Variants in NEGR1 observed in about 807,000 individuals in gnomAD.
The protein encoded by NEGR1 is IgLON family member 4.
Under a neutral mutation model 40.9 loss-of-function variants are expected in NEGR1, and 10 were observed. That is an observed-to-expected ratio of 0.24 (90% CI 0.15 to 0.42). The LOEUF (loss-of-function observed/expected upper bound fraction) is 0.42. Among genes scored for constraint, NEGR1 ranks in the 10% least tolerant of loss-of-function variants. NEGR1 has a pLI of 1.00. For synonymous variants in NEGR1, 185 were observed against 166.8 expected (o/e 1.11, Z -0.84); for missense variants, 352 against 438.9 (o/e 0.80, Z 1.77).
intron 2 of NEGR1, among the ~76,000 whole-genome samples, chr1:71,841,001 C>T (rs1659216724): frequency 6.6e-6 from 1 of 152,090 alleles, no homozygotes; most frequent in African/African-American, 2.4e-5. Flanking sequence ...TAGCAGGCTA[C>T]CTTGAAGATT....
chr1:72,136,574 A>T (rs1650471732), intron 1 of NEGR1, among the ~76,000 whole-genome samples: 1 of 150,336 alleles, frequency 6.7e-6, no homozygotes, highest in Admixed American at 6.7e-5. Context: ...TTATAAAGCT[A>T]TTACTCCACA....
chr1:71,424,187 A>G (rs1248385598), intron 6 of NEGR1, among the ~76,000 whole-genome samples: 3 of 152,172 alleles, frequency 2.0e-5, no homozygotes, highest in African/African-American at 4.8e-5. Context: ...ATTCAATCAT[A>G]GACATAAGGT....
chr1:71,681,616 C>G (rs1195743517), intron 4 of NEGR1, among the ~76,000 whole-genome samples: 1 of 152,088 alleles, frequency 6.6e-6, no homozygotes. Flanking sequence ...ATAGGAATTC[C>G]TGTTTCAGAA....
chr1:71,464,513 CA>C (rs1372778951), intron 6 of NEGR1, among the ~76,000 whole-genome samples: 2 of 151,834 alleles, frequency 1.3e-5, no homozygotes, highest in South Asian at 2.1e-4. Flanking sequence ...TTAATTTTGC[CA>C]AAAAAGCTAA....
intron 4 of NEGR1, among the ~76,000 whole-genome samples, chr1:71,675,258 T>G (rs1235400756): frequency 6.6e-6 from 1 of 150,666 alleles, no homozygotes; most frequent in East Asian, 2.0e-4. Flanking sequence ...AACTCAGGTC[T>G]GGTCTGACAC....
intron 1 of NEGR1, among the ~76,000 whole-genome samples, chr1:72,130,964 T>C (rs951019568): frequency 2.0e-5 from 3 of 152,260 alleles, no homozygotes; most frequent in African/African-American, 4.8e-5. Context: ...AGAGAAATGA[T>C]AGGGAAATTG....
At chr1:72,274,058 C>T (rs1464589993) in intron 1 of NEGR1, among the ~76,000 whole-genome samples, 1 of 151,040 alleles carries the variant, frequency 6.6e-6, no homozygotes, top group East Asian at 1.9e-4. Flanking sequence ...TCATTTGGAG[C>T]CATTTTGAGA....
intron 4 of NEGR1, among the ~76,000 whole-genome samples, chr1:71,681,120 G>A (rs1344380796): frequency 6.6e-6 from 1 of 152,222 alleles, no homozygotes; most frequent in Non-Finnish European, 1.5e-5. Context: ...CTGTGAACAA[G>A]AAAGGTGGAT....
chr1:71,749,434 T>C (rs1453922772), intron 3 of NEGR1, among the ~76,000 whole-genome samples: 1 of 152,256 alleles, frequency 6.6e-6, no homozygotes, highest in Non-Finnish European at 1.5e-5. Context: ...TTGTGTGTTA[T>C]TACAAGAATA....
At chr1:71,867,480 A>G (rs1660152494) in intron 2 of NEGR1, among the ~76,000 whole-genome samples, 1 of 152,228 alleles carries the variant, frequency 6.6e-6, no homozygotes, top group Admixed American at 6.5e-5. Flanking sequence ...GGTTGTTTAC[A>G]TTACAGAAAT....
At chr1:71,799,624 C>A (rs543835745) in intron 2 of NEGR1, among the ~76,000 whole-genome samples, 1 of 152,254 alleles carries the variant, frequency 6.6e-6, no homozygotes, top group East Asian at 1.9e-4. Flanking sequence ...TGCCACACTG[C>A]CTTCCACAAT....
intron 2 of NEGR1, among the ~76,000 whole-genome samples, chr1:71,835,644 G>A (rs1447475999): frequency 2.0e-5 from 3 of 152,052 alleles, no homozygotes; most frequent in African/African-American, 7.2e-5. Context: ...ACAAGGGATT[G>A]CTTTTGCAAA....
At chr1:72,053,692 G>C (rs573420611) in intron 1 of NEGR1, among the ~76,000 whole-genome samples, 3 of 151,028 alleles carry the variant, frequency 2.0e-5, no homozygotes, top group Non-Finnish European at 3.0e-5. Context: ...AACTTATACA[G>C]ATAAATTAAA....
At chr1:72,269,884 CATTT>C (rs1295896446) in intron 1 of NEGR1, among the ~76,000 whole-genome samples, 1 of 151,630 alleles carries the variant, frequency 6.6e-6, no homozygotes, top group African/African-American at 2.4e-5. Flanking sequence ...TATGTAATCT[CATTT>C]AAACAATTTC....
chr1:71,680,779 T>A (rs554708489), intron 4 of NEGR1, among the ~76,000 whole-genome samples: 56 of 152,346 alleles, frequency 3.7e-4, no homozygotes, highest in Non-Finnish European at 6.3e-4. Context: ...AATATATAGT[T>A]AATATTTATT....
chr1:71,985,157 T>C (rs1278196337), intron 1 of NEGR1, among the ~76,000 whole-genome samples: 1 of 152,170 alleles, frequency 6.6e-6, no homozygotes, highest in Non-Finnish European at 1.5e-5. Context: ...TGAATTCCCA[T>C]TCTATATTTC....
At chr1:71,694,037 T>C (rs1653387850) in intron 4 of NEGR1, among the ~76,000 whole-genome samples, 1 of 151,736 alleles carries the variant, frequency 6.6e-6, no homozygotes, top group African/African-American at 2.4e-5. Flanking sequence ...TCCTGTTTTT[T>C]TGTTTTGTTT....
intron 2 of NEGR1, among the ~76,000 whole-genome samples, chr1:71,836,454 A>C (rs4649951): frequency 7.6e-6 from 1 of 131,784 alleles, no homozygotes; most frequent in Non-Finnish European, 1.6e-5. Context: ...AAACAAAAAA[A>C]ACAAAAAACA....
At chr1:72,252,927 T>C (rs9424976) in intron 1 of NEGR1, among the ~76,000 whole-genome samples, 35,119 of 152,144 alleles carry the variant, frequency 0.23, 4,919 homozygotes, top group South Asian at 0.31. Context: ...GAAAAATGAA[T>C]TGATGTTGCT....
Sources: allele counts gnomAD v4.1 joint callset (sites outside exome capture counted in the v4.1 genomes callset), GRCh38; gene constraint gnomAD v4.1.1; transcripts MANE v1.5; gene names NCBI Gene and HGNC (gene_info 2026-07-23, HGNC 2026-07-21).